WFS1: variants seen among roughly 807,000 people sequenced by gnomAD.
WFS1 encodes the protein wolframin.
WFS1 carries 90 observed loss-of-function variants against 68.5 expected under a neutral mutation model. The observed-to-expected ratio is 1.31, with a 90% CI of 1.11 to 1.56. The LOEUF (loss-of-function observed/expected upper bound fraction) is 1.56. Ranked by LOEUF, WFS1 falls within the 40% of genes most tolerant of loss-of-function variation. The pLI is 0.00. For synonymous variants in WFS1, 860 were observed against 540.7 expected, an observed-to-expected ratio of 1.59 and a Z score of -8.19; for missense variants, 1,767 against 1,232.6, an observed-to-expected ratio of 1.43 and a Z score of -6.49.
At chr4:6,288,936 G>A (rs747139326) in intron 3 of WFS1, 51 bp from the exon 4 acceptor site, 1 of 1,592,162 alleles carries the variant, frequency 6.3e-7, no homozygotes, top group East Asian at 2.3e-5. Flanking sequence ...AGGGAGCATG[G>A]GGTGGGAGAG....
chr4:6,302,079 A>G lies in WFS1; in HGVS notation c.2284A>G (p.Lys762Glu), dbSNP rs774456799. 3.1e-6 allele frequency: 5 copies of G among 1,612,876 alleles called. No homozygotes were observed. The South Asian group carries it at 4.4e-5, about 14-fold the overall frequency. The change falls in exon 8 of 8, where the codon AAG (lysine) becomes GAG (glutamate). Residue 762 changes from lysine (K) to glutamate (E), a missense_variant. By Grantham distance (56) the Lys-to-Glu change is moderately conservative. Coordinates refer to ENST00000226760, the MANE Select transcript of WFS1 (RefSeq NM_006005.3). ...EELCRLKLLA[K>E]HPCHIKKFDR... ...GCTCTGTCGCCTTAAGCTGCTGGCC[A>G]AGCACCCCTGCCACATCAAGAAGTT...
intron 1 of WFS1, among the ~76,000 whole-genome samples, chr4:6,275,793 C>A (rs1274614472): frequency 2.0e-5 from 3 of 152,172 alleles, no homozygotes; most frequent in Non-Finnish European, 4.4e-5. Context: ...TGGGGCCACT[C>A]CTGACTCTTC....
Position 6,302,453 on chromosome 4 carries a change from C to T in WFS1, c.2658C>T (p.Phe886=), listed in dbSNP as rs55973732. ...KFAFDFFFFP[F]LSAA is the part of the protein sequence containing the mutation. ...CCTTCGACTTCTTTTTCTTCCCATT[C>T]CTGTCGGCGGCCTGAGGATGGTCCG... The change falls in exon 8 of 8, where the codon TTC becomes TTT. Residue 886 remains phenylalanine (F), a synonymous_variant. Transcript: ENST00000226760. The T allele has an allele frequency of 2.2e-5, 35 of 1,612,962 alleles. No individual in the cohort carries two copies. The highest frequency in any genetic ancestry group is 2.8e-5 in the Non-Finnish European group (33 of 1,180,044).
chr4:6,275,388 C>T (rs984760205), intron 1 of WFS1, among the ~76,000 whole-genome samples: 2 of 152,196 alleles, frequency 1.3e-5, no homozygotes, highest in Admixed American at 6.5e-5. Context: ...TCCTGTATTT[C>T]TCTGCCACAG....
rs748122956 is a variant in WFS1, at chr4:6,287,073, T to C, written c.233-20T>C. 2.6e-6 allele frequency: 4 copies of C among 1,551,726 alleles called. No individual in the cohort carries two copies. Among genetic ancestry groups the C allele is most frequent in the South Asian group, 1.2e-5 (1 of 84,170 alleles). On this transcript the variant is annotated intron_variant, in intron 2 of 7. Transcript: ENST00000226760. The surrounding 1 kb of genome is among the most constrained non-coding windows in gnomAD (Gnocchi z 6.4). ...AAGTCTGGCTTTGTGACATGTGTGT[T>C]TGTTTCTTCTGTGTTAAAGGGCCTA...
At chr4:6,271,458 C>T (rs1452829825) in intron 1 of WFS1, among the ~76,000 whole-genome samples, 1 of 152,204 alleles carries the variant, frequency 6.6e-6, no homozygotes, top group Non-Finnish European at 1.5e-5. Context: ...GTCTCAACCC[C>T]CAGAGATGTC....
Position 6,302,061 on chromosome 4 carries a change from C to T in WFS1, c.2266C>T (p.Arg756Cys), listed in dbSNP as rs138127684. ...CTCCACGGCCGAGGAGGAGCTCTGTCGCCTTAAGCTGCTGGCCAAGCACCC... is the reference window on the plus strand; with the variant it reads ...CTCCACGGCCGAGGAGGAGCTCTGTTGCCTTAAGCTGCTGGCCAAGCACCC... ...NTSTAEEELC[R>C]LKLLAKHPCH... The change falls in exon 8 of 8, where the codon CGC becomes TGC. Residue 756 changes from arginine to cysteine, a missense_variant. By Grantham distance (180) the Arg-to-Cys change is radical. Coordinates refer to ENST00000226760, the MANE Select transcript of WFS1 (RefSeq NM_006005.3). The T allele has an allele frequency of 1.8e-4, 297 of 1,612,774 alleles. 1 individual carries two copies. Among genetic ancestry groups the T allele is most frequent in the Non-Finnish European group, 1.4e-4 (171 of 1,180,016 alleles).
chr4:6,300,082 GGA>G (rs1730819145), intron 7 of WFS1, among the ~76,000 whole-genome samples: 1 of 152,068 alleles, frequency 6.6e-6, no homozygotes, highest in South Asian at 2.1e-4. Flanking sequence ...ATTTTTGCTG[GGA>G]GAGTGGTGCT....
intron 7 of WFS1, among the ~76,000 whole-genome samples, chr4:6,298,714 G>T (rs1223820883): frequency 1.3e-5 from 2 of 152,230 alleles, no homozygotes; most frequent in Non-Finnish European, 2.9e-5. Context: ...ATCTGTGGAA[G>T]ACTCAGTCTT....
In WFS1 at chr4:6,295,208, G is replaced by A. The variant is rs373896467; in HGVS notation, c.861+19G>A. 51 of 1,610,306 alleles carry A rather than the reference G, an allele frequency of 3.2e-5. No homozygotes were observed. Among genetic ancestry groups the A allele is most frequent in the Middle Eastern group, 4.3e-4 (2 of 4,656 alleles). On this transcript the variant is annotated intron_variant, in intron 7 of 7. Coordinates refer to ENST00000226760, the MANE Select transcript of WFS1 (RefSeq NM_006005.3). The stretch of plus-strand genomic sequence containing the variant: ...TCTGAAGGTGAGTGACCAAGACCCC[G>A]GTCAGGCCGGAGCCTGCCTCCCAAG...
chr4:6,293,171 T>TG (rs1056662034), intron 6 of WFS1, among the ~76,000 whole-genome samples: 5 of 152,130 alleles, frequency 3.3e-5, no homozygotes, highest in African/African-American at 1.2e-4. Context: ...GTCTCCATCC[T>TG]GGGGGGCACT....
At position 6,269,880 on chromosome 4, in the gene WFS1, G is replaced by C. The variant is rs974333294; in HGVS notation, c.-140G>C. 2 of 152,272 alleles carry C rather than the reference G, an allele frequency of 1.3e-5. No individual in the cohort carries two copies. Among genetic ancestry groups the C allele is most frequent in the African/African-American group, 4.8e-5 (2 of 41,476 alleles). The allele number at this position is 152,272 out of a possible 1,614,324, so 9.4% of individuals were successfully genotyped here. On this transcript the variant is annotated 5_prime_UTR_variant, in exon 1 of 8. Transcript: ENST00000226760. ...GAAGGCCGCGCTAGCCGGCTCTTCA[G>C]CAGCGAGTGCAGATTGCTCCCCCGC... is the stretch of plus-strand genomic sequence containing the variant.
intron 7 of WFS1, among the ~76,000 whole-genome samples, chr4:6,297,962 C>A (rs1730681921): frequency 6.6e-6 from 1 of 152,172 alleles, no homozygotes; most frequent in Non-Finnish European, 1.5e-5. Context: ...TAGACGCCAT[C>A]CAACGTAATG....
At chr4:6,286,772 C>T (rs925022786) in intron 2 of WFS1, among the ~76,000 whole-genome samples, 1 of 152,204 alleles carries the variant, frequency 6.6e-6, no homozygotes, top group Non-Finnish European at 1.5e-5. Context: ...AGGCCTAGGC[C>T]AAGGGGTGTG....
At chr4:6,292,614 C>T (rs1379704683) in intron 6 of WFS1, among the ~76,000 whole-genome samples, 1 of 152,100 alleles carries the variant, frequency 6.6e-6, no homozygotes, top group Non-Finnish European at 1.5e-5. Flanking sequence ...TGTCTTCCAT[C>T]CACGTGGGGT....
Position 6,302,041 on chromosome 4 carries a change from C to CG in WFS1, c.2248dup (p.Ala750GlyfsTer9). 6.2e-7 allele frequency: 1 copy of CG among 1,612,820 alleles called. No individual in the cohort carries two copies. The highest frequency in any genetic ancestry group is 8.5e-7 in the Non-Finnish European group (1 of 1,179,950). On this transcript the variant is annotated frameshift_variant, in exon 8 of 8. Transcript: ENST00000226760. LOFTEE classifies it high-confidence loss of function. ...GCCTGCAGCCCTGGCAACACCTCCA[C>CG]GGCCGAGGAGGAGCTCTGTCGCCTT...
At chr4:6,280,952 A>C (rs1730144513) in intron 2 of WFS1, among the ~76,000 whole-genome samples, 1 of 152,180 alleles carries the variant, frequency 6.6e-6, no homozygotes, top group Non-Finnish European at 1.5e-5. Flanking sequence ...CAGTGCTGCC[A>C]CCGCCTTGAC....
chr4:6,295,110 G>C lies in WFS1; in HGVS notation c.782G>C (p.Ser261Thr), dbSNP rs770097835. Residue 261 changes from serine (S) to threonine (T), a missense_variant, in exon 7 of 8, where the codon AGC becomes ACC. By Grantham distance (58) the Ser-to-Thr change is moderately conservative (BLOSUM62 1). Transcript: ENST00000226760. Reference protein sequence around the residue: ...TKKYAKGVIPSSLFLQDDEDD... With the variant: ...TKKYAKGVIPTSLFLQDDEDD... ...AAGTACGCCAAGGGCGTCATCCCCA[G>C]CAGCCTGTTCCTGCAGGACGACGAA... 1.9e-6 allele frequency: 3 copies of C among 1,613,470 alleles called. No individual in the cohort carries two copies. In the South Asian group the frequency reaches 3.3e-5, roughly 18 times the overall value.
At chr4:6,300,184 G>A (rs928683561) in intron 7 of WFS1, among the ~76,000 whole-genome samples, 1 of 152,040 alleles carries the variant, frequency 6.6e-6, no homozygotes, top group Non-Finnish European at 1.5e-5. Context: ...TCTCCTCCTC[G>A]TAAGGATCGC....
Sources: allele counts gnomAD v4.1 joint callset (sites outside exome capture counted in the v4.1 genomes callset), GRCh38; gene constraint gnomAD v4.1.1; non-coding constraint Gnocchi (gnomAD v3.1); transcripts MANE v1.5; gene names NCBI Gene and HGNC (gene_info 2026-07-23, HGNC 2026-07-21).